Variants in ADGRB3 observed in about 807,000 individuals in gnomAD.
The protein encoded by ADGRB3 is adhesion G protein-coupled receptor B3.
A neutral mutation model predicts 193.4 loss-of-function variants in ADGRB3; 37 were observed. The observed-to-expected ratio is 0.19, with a 90% CI of 0.15 to 0.25. The LOEUF is 0.25. ADGRB3 is among the 10% of genes least tolerant of loss of function. The pLI is 1.00. For synonymous variants in ADGRB3, 690 were observed against 644.2 expected (o/e 1.07, Z -1.08); for missense variants, 1,637 against 1,852.9 (o/e 0.88, Z 2.14).
At chr6:68,737,545 A>G (rs1320145910) in intron 3 of ADGRB3, among the ~76,000 whole-genome samples, 2 of 152,084 alleles carry the variant, frequency 1.3e-5, no homozygotes, top group African/African-American at 4.8e-5. Context: ...TTGTTCCCCC[A>G]TACAATAAGA....
chr6:69,264,226 A>G (rs1309076431), intron 20 of ADGRB3, among the ~76,000 whole-genome samples: 1 of 152,008 alleles, frequency 6.6e-6, no homozygotes, highest in Non-Finnish European at 1.5e-5. Flanking sequence ...TTGAAGCATG[A>G]AAGTTAAATA....
rs755996319 is a variant in ADGRB3, at chr6:68,994,199, T to C, written c.1929+237T>C. ...AGGAGATACTGAATGAGAACCTGTA[T>C]GAAGTGCTTTGAGCCCCCAGATAAA... On this transcript the variant is annotated intron_variant, in intron 11 of 31. Coordinates refer to ENST00000370598, the MANE Select transcript of ADGRB3 (RefSeq NM_001704.3). Among the ~76,000 whole-genome samples, 5 of 152,258 alleles carry C rather than the reference T, an allele frequency of 3.3e-5. No individual in the cohort carries two copies. In the East Asian group the frequency reaches 9.7e-4, roughly 29 times the overall value.
chr6:69,039,742 C>CTT (rs34543678), intron 13 of ADGRB3, among the ~76,000 whole-genome samples: 5,847 of 130,188 alleles, frequency 0.045, 235 homozygotes, highest in Non-Finnish European at 0.068. Flanking sequence ...TTGTTTTTTT[C>CTT]TTTTTTTTTT....
intron 17 of ADGRB3, among the ~76,000 whole-genome samples, chr6:69,090,152 A>C (rs1772665461): frequency 6.6e-6 from 1 of 152,160 alleles, no homozygotes; most frequent in Non-Finnish European, 1.5e-5. Context: ...ACCTAGGTGC[A>C]AATCAAATAG....
At chr6:69,288,801 A>G (rs1767606206) in intron 20 of ADGRB3, among the ~76,000 whole-genome samples, 1 of 152,036 alleles carries the variant, frequency 6.6e-6, no homozygotes. Context: ...TAACAGTGGA[A>G]TCTCTCTGTG....
At chr6:68,645,233 T>C (rs768206979) in intron 3 of ADGRB3, among the ~76,000 whole-genome samples, 1 of 152,174 alleles carries the variant, frequency 6.6e-6, no homozygotes, top group Non-Finnish European at 1.5e-5. Flanking sequence ...GAGTTTTAAT[T>C]TGCTGTTCCT....
intron 10 of ADGRB3, among the ~76,000 whole-genome samples, chr6:68,986,876 G>A (rs973970985): frequency 1.6e-4 from 25 of 151,982 alleles, no homozygotes; most frequent in Admixed American, 1.2e-3. Flanking sequence ...ACACAATAGC[G>A]GCAACTGTGG....
At chr6:68,764,926 G>T (rs1034694517) in intron 3 of ADGRB3, among the ~76,000 whole-genome samples, 2 of 152,036 alleles carry the variant, frequency 1.3e-5, no homozygotes, top group Non-Finnish European at 2.9e-5. Flanking sequence ...GTTTATTTTG[G>T]AATATCTTAG....
At chr6:68,799,539 A>AT (rs937717328) in intron 3 of ADGRB3, among the ~76,000 whole-genome samples, 2 of 152,130 alleles carry the variant, frequency 1.3e-5, no homozygotes, top group African/African-American at 4.8e-5. Flanking sequence ...CTATATTCCA[A>AT]TTTTTTTAAG....
chr6:69,129,673 T>G (rs866437548), intron 17 of ADGRB3, among the ~76,000 whole-genome samples: 2 of 152,166 alleles, frequency 1.3e-5, no homozygotes, highest in South Asian at 2.1e-4. Context: ...CACTGTAATC[T>G]CATCATCCCA....
intron 20 of ADGRB3, among the ~76,000 whole-genome samples, chr6:69,253,232 C>A (rs1582580059): frequency 6.6e-6 from 1 of 152,134 alleles, no homozygotes; most frequent in East Asian, 1.9e-4. Flanking sequence ...TAACTTCATT[C>A]TTCCTTTCCA....
At chr6:69,316,585 G>A (rs913994690) in intron 20 of ADGRB3, among the ~76,000 whole-genome samples, 2 of 151,468 alleles carry the variant, frequency 1.3e-5, no homozygotes, top group African/African-American at 4.8e-5. Context: ...TTTCACAACT[G>A]TATAATAAAA....
At chr6:68,815,536 G>A (rs1454127651) in intron 3 of ADGRB3, among the ~76,000 whole-genome samples, 1 of 151,076 alleles carries the variant, frequency 6.6e-6, no homozygotes, top group Non-Finnish European at 1.5e-5. Context: ...GATAATCCAG[G>A]TATACTTTTA....
At chr6:69,322,030 C>A (rs1768466173) in intron 20 of ADGRB3, among the ~76,000 whole-genome samples, 1 of 151,810 alleles carries the variant, frequency 6.6e-6, no homozygotes, top group South Asian at 2.1e-4. Context: ...TCGATAGGCC[C>A]CAGTGTCTGT....
chr6:68,711,081 GT>G (rs1765400792), intron 3 of ADGRB3, among the ~76,000 whole-genome samples: 1 of 151,990 alleles, frequency 6.6e-6, no homozygotes, highest in African/African-American at 2.4e-5. Context: ...TACATTCTTT[GT>G]TTTTCTACCC....
chr6:68,887,652 C>G (rs1765948133), intron 3 of ADGRB3, among the ~76,000 whole-genome samples: 1 of 151,934 alleles, frequency 6.6e-6, no homozygotes, highest in Admixed American at 6.6e-5. Flanking sequence ...TGACTTAACT[C>G]TTTGTTTAAT....
intron 3 of ADGRB3, among the ~76,000 whole-genome samples, chr6:68,897,914 A>G (rs1352284974): frequency 6.7e-6 from 1 of 148,568 alleles, no homozygotes; most frequent in Non-Finnish European, 1.5e-5. Flanking sequence ...ACACATTATT[A>G]TTAGGATTCT....
At chr6:68,687,689 G>A (rs1294816278) in intron 3 of ADGRB3, among the ~76,000 whole-genome samples, 2 of 152,006 alleles carry the variant, frequency 1.3e-5, no homozygotes, top group Non-Finnish European at 2.9e-5. Context: ...TATTTATTAT[G>A]TACCATTCAC....
At chr6:69,082,944 C>A (rs924185900) in intron 17 of ADGRB3, among the ~76,000 whole-genome samples, 7 of 152,174 alleles carry the variant, frequency 4.6e-5, no homozygotes, top group African/African-American at 1.7e-4. Context: ...GTTGATATTG[C>A]ATTAACCTAG....
Sources: allele counts gnomAD v4.1 joint callset (sites outside exome capture counted in the v4.1 genomes callset), GRCh38; gene constraint gnomAD v4.1.1; transcripts MANE v1.5; gene names NCBI Gene and HGNC (gene_info 2026-07-23, HGNC 2026-07-21).